The following NPEPPS variants were observed in gnomAD, a reference collection of about 807,000 sequenced individuals.
The protein encoded by NPEPPS is puromycin-sensitive aminopeptidase.
Under a neutral mutation model 115.5 loss-of-function variants are expected in NPEPPS, and 14 were observed. That is an observed-to-expected ratio of 0.12 (90% CI 0.08 to 0.19). NPEPPS has a LOEUF of 0.19. NPEPPS is among the 10% of genes least tolerant of loss of function. The probability of loss-of-function intolerance (pLI) is 1.00; values close to 1 mark genes in which losing one functional copy is unlikely to be tolerated. For missense variants in NPEPPS, 523 were observed against 1,110.8 expected (o/e 0.47, Z 7.52); for synonymous variants, 285 against 390.6 (o/e 0.73, Z 3.19).
chr17:47,559,783 A>G (rs1046450416), intron 2 of NPEPPS: 12 of 408,510 alleles, frequency 2.9e-5, no homozygotes, highest in Non-Finnish European at 9.6e-6. Context: ...TTCTCTTCTA[A>G]TAGAGATAGA....
At chr17:47,557,408 C>A (rs1910124146) in intron 2 of NPEPPS, 1 of 150,230 alleles carries the variant, frequency 6.7e-6, no homozygotes, top group South Asian at 2.1e-4. Context: ...AAAAAAACTT[C>A]TTTAGGCTGG....
At position 47,622,790 on chromosome 17, in the gene NPEPPS, C is replaced by T. The variant is rs1289213284; in HGVS notation, c.*870C>T. ...GAGACAATAGAAATAAAAAGATCTTCAGCCAGGCCTTTCTGAAGGAGTTAT... is the reference window on the plus strand; with the variant it reads ...GAGACAATAGAAATAAAAAGATCTTTAGCCAGGCCTTTCTGAAGGAGTTAT... On this transcript the variant is annotated 3_prime_UTR_variant, in exon 23 of 23. Transcript: ENST00000322157. The T allele has an allele frequency of 2.3e-6, 1 of 432,400 alleles. No homozygotes were observed. The highest frequency in any genetic ancestry group is 2.1e-5 in the African/African-American group (1 of 48,412). The allele number at this position is 432,400 out of a possible 1,614,324, so 26.8% of individuals were successfully genotyped here.
chr17:47,619,699 C>T (rs1371254645), intron 21 of NPEPPS, 38 bp from the exon 22 acceptor site: 3 of 1,570,160 alleles, frequency 1.9e-6, no homozygotes, highest in Admixed American at 3.4e-5. Context: ...TTCTCAGCCT[C>T]TTGGTTTCAC....
At chr17:47,544,544 A>G (rs868047591) in intron 1 of NPEPPS, among the ~76,000 whole-genome samples, 2 of 123,240 alleles carry the variant, frequency 1.6e-5, no homozygotes, top group Admixed American at 1.8e-4. Flanking sequence ...TTATTTATTT[A>G]TTTATTTTGA....
Position 47,622,136 on chromosome 17 carries a change from A to G in NPEPPS, c.*216A>G. On this transcript the variant is annotated 3_prime_UTR_variant, in exon 23 of 23. Coordinates refer to ENST00000322157, the MANE Select transcript of NPEPPS (RefSeq NM_006310.4). The stretch of plus-strand genomic sequence containing the variant: ...ATTCAGCAAAAAATAAATAAAAAAT[A>G]AAAATGTAAATATGATAGTAATAAA... 2 of 1,244,078 alleles carry G rather than the reference A, an allele frequency of 1.6e-6. No homozygotes were observed. Among genetic ancestry groups the G allele is most frequent in the Non-Finnish European group, 2.0e-6 (2 of 981,518 alleles). 77.1% of individuals were successfully genotyped at this position (1,244,078 alleles called of 1,614,324 possible).
chr17:47,614,389 C>CTTAGG (rs779454732), intron 19 of NPEPPS, among the ~76,000 whole-genome samples: 1 of 152,102 alleles, frequency 6.6e-6, no homozygotes, highest in South Asian at 2.1e-4. Flanking sequence ...TGTTTCTGTG[C>CTTAGG]TTAGGTTCTG....
At chr17:47,569,231 A>G (rs1911040452) in intron 2 of NPEPPS, among the ~76,000 whole-genome samples, 186 bp from the exon 3 acceptor site, 4 of 152,228 alleles carry the variant, frequency 2.6e-5, no homozygotes, top group Admixed American at 2.6e-4. Flanking sequence ...TAAGGAGCAT[A>G]TTTAATGTAG....
At chr17:47,561,133 C>CT (rs1910396681) in intron 2 of NPEPPS, among the ~76,000 whole-genome samples, 1 of 152,010 alleles carries the variant, frequency 6.6e-6, no homozygotes, top group South Asian at 2.1e-4. Flanking sequence ...AAATTTCAAT[C>CT]TTTTTTTAAT....
chr17:47,563,511 A>G (rs1910583063), intron 2 of NPEPPS, among the ~76,000 whole-genome samples: 1 of 152,242 alleles, frequency 6.6e-6, no homozygotes, highest in African/African-American at 2.4e-5. Flanking sequence ...ATATATGTAT[A>G]TAATGGACCA....
rs1395992246 is a variant in NPEPPS, at chr17:47,538,503, C to CGCGCCTAGTCCATA, written c.255+6949_255+6962dup. Among the ~76,000 whole-genome samples the CGCGCCTAGTCCATA allele has an allele frequency of 5.1e-4, 77 of 150,428 alleles. 1 individual carries two copies. The East Asian group carries it at 0.014, about 27-fold the overall frequency. Reference sequence around the variant, plus strand: ...TGCTGGGATTACAGGCATGAACCACCGCGCCTAGTCCATATCTGTTTTCTT... The same window carrying CGCGCCTAGTCCATA: ...TGCTGGGATTACAGGCATGAACCACCGCGCCTAGTCCATAGCGCCTAGTCCATATCTGTTTTCTT... On this transcript the variant is annotated intron_variant, in intron 1 of 22. Coordinates refer to ENST00000322157, the MANE Select transcript of NPEPPS (RefSeq NM_006310.4).
chr17:47,601,968 G>GA, intron 15 of NPEPPS: 1 of 463,530 alleles, frequency 2.2e-6, no homozygotes. Flanking sequence ...GACTAAGGAG[G>GA]AGAAGAAAAA....
intron 1 of NPEPPS, among the ~76,000 whole-genome samples, chr17:47,544,081 A>T (rs887194469): frequency 2.0e-5 from 3 of 152,008 alleles, no homozygotes; most frequent in Non-Finnish European, 4.4e-5. Context: ...TTTTTAGTAG[A>T]GACGGGGTTT....
chr17:47,619,053 A>G lies in NPEPPS; in HGVS notation c.2448A>G (p.Val816=), dbSNP rs2143988108. The change falls in exon 21 of 23, where the codon GTA becomes GTG. Residue 816 remains valine, a synonymous_variant. Transcript: ENST00000322157. Reference sequence around the variant, plus strand: ...ACACTGTATCGGTAATTGGTGGAGTAGCTGGAGGCAGCAAGCATGGTAGGA... The same window carrying G: ...ACACTGTATCGGTAATTGGTGGAGTGGCTGGAGGCAGCAAGCATGGTAGGA... ...PQDTVSVIGG[V]AGGSKHGRKA... 1 of 1,614,012 alleles carries G rather than the reference A, an allele frequency of 6.2e-7. No homozygotes were observed. Among genetic ancestry groups the G allele is most frequent in the Non-Finnish European group, 8.5e-7 (1 of 1,179,874 alleles).
rs59893483 is a variant in NPEPPS at position 47,610,845 on chromosome 17, CTTTTTTT to C, written c.2096-1595_2096-1589del. Among the ~76,000 whole-genome samples the C allele has an allele frequency of 5.5e-3, 551 of 100,058 alleles. 4 individuals are homozygous for C. The highest frequency in any genetic ancestry group is 0.02 in the African/African-American group (475 of 23,980). 65.6% of individuals were successfully genotyped at this position (100,058 alleles called of 152,430 possible). A position where few individuals can be genotyped will look rare whatever the true frequency, so the allele number is the denominator to read the frequency against. On this transcript the variant is annotated intron_variant, in intron 17 of 22. Coordinates refer to ENST00000322157, the MANE Select transcript of NPEPPS (RefSeq NM_006310.4). The stretch of plus-strand genomic sequence containing the variant: ...GAAATTGCTGAGTCATATGATGACT[CTTTTTTT>C]TTTTTTTTTTTTTTTTTTTGAGATG...
chr17:47,543,084 CCAAGATCG>C (rs368075069), intron 1 of NPEPPS, among the ~76,000 whole-genome samples: 2 of 150,768 alleles, frequency 1.3e-5, no homozygotes, highest in South Asian at 2.1e-4. Context: ...TTGCAGTGAG[CCAAGATCG>C]CAAGATCGCA....
intron 2 of NPEPPS, among the ~76,000 whole-genome samples, chr17:47,558,743 A>G (rs1300440800): frequency 6.6e-6 from 1 of 151,816 alleles, no homozygotes; most frequent in Admixed American, 6.6e-5. Context: ...TTGTTAAGAT[A>G]GGGTCTTGCG....
At chr17:47,603,617 A>G (rs531956800) in intron 15 of NPEPPS, 7 of 239,168 alleles carry the variant, frequency 2.9e-5, no homozygotes, top group Non-Finnish European at 5.7e-5. Context: ...TATATTAAGT[A>G]TTTTCTGTAA....
intron 2 of NPEPPS, among the ~76,000 whole-genome samples, chr17:47,558,154 G>A (rs2143762834): frequency 6.6e-6 from 1 of 152,098 alleles, no homozygotes; most frequent in African/African-American, 2.4e-5. Flanking sequence ...TAGAGATGGA[G>A]TCTCGCTCTG....
In NPEPPS at chr17:47,594,456, G is replaced by A. The variant is rs1357344866; in HGVS notation, c.1427-1897G>A. Among the ~76,000 whole-genome samples, 4 of 149,222 alleles carry A rather than the reference G, an allele frequency of 2.7e-5. No homozygotes were observed. In the East Asian group the frequency reaches 5.9e-4, roughly 22 times the overall value. On this transcript the variant is annotated intron_variant, in intron 12 of 22. Coordinates refer to ENST00000322157, the MANE Select transcript of NPEPPS (RefSeq NM_006310.4). Reference sequence around the variant, plus strand: ...ACAGAGTTTCGCTCTTGTTGCCCAGGCTGGAGTGCAATGGTGCAGTCTTGG... The same window carrying A: ...ACAGAGTTTCGCTCTTGTTGCCCAGACTGGAGTGCAATGGTGCAGTCTTGG...
Sources: gnomAD v4.1 joint callset for allele counts (sites outside exome capture counted in the v4.1 genomes callset) on GRCh38, gnomAD v4.1.1 for gene constraint, MANE v1.5 for transcripts, NCBI Gene and HGNC (gene_info 2026-07-23, HGNC 2026-07-21) for gene names.